LUZP2: variants seen among roughly 807,000 people sequenced by gnomAD.
The protein encoded by LUZP2 is leucine zipper protein 2.
A neutral mutation model predicts 51.6 loss-of-function variants in LUZP2; 52 were observed. That is an observed-to-expected ratio of 1.01 (90% CI 0.81 to 1.27). The LOEUF (loss-of-function observed/expected upper bound fraction) is 1.27, where lower values mean the gene tolerates loss of function less well. LUZP2 is among the 50% of genes most tolerant of loss of function. LUZP2 has a pLI of 0.00. For missense variants in LUZP2, 436 were observed against 395.4 expected, an observed-to-expected ratio of 1.10 and a Z score of -0.87; for synonymous variants, 154 against 137.3, an observed-to-expected ratio of 1.12 and a Z score of -0.85.
intron 1 of LUZP2, among the ~76,000 whole-genome samples, chr11:24,681,105 C>T (rs950821854): frequency 6.6e-6 from 1 of 152,030 alleles, no homozygotes; most frequent in African/African-American, 2.4e-5. Flanking sequence ...CCTCAGCCTC[C>T]CGAGTAGTTG....
intron 1 of LUZP2, among the ~76,000 whole-genome samples, chr11:24,620,822 G>A (rs1854469999): frequency 6.6e-6 from 1 of 152,176 alleles, no homozygotes; most frequent in Non-Finnish European, 1.5e-5. Flanking sequence ...AAGCAATTAA[G>A]TCATGACTTG....
At chr11:24,527,563 T>TCACA (rs1378672067) in intron 1 of LUZP2, among the ~76,000 whole-genome samples, 7 of 116,790 alleles carry the variant, frequency 6.0e-5, no homozygotes, top group Admixed American at 5.1e-4. Flanking sequence ...TCTCTCTCTC[T>TCACA]CTCTCACACA....
At chr11:25,038,254 A>G (rs2134002122) in intron 9 of LUZP2, among the ~76,000 whole-genome samples, 1 of 152,280 alleles carries the variant, frequency 6.6e-6, no homozygotes, top group East Asian at 1.9e-4. Context: ...TTGAAGAACC[A>G]TTAGTAGAGC....
At chr11:24,878,955 ATTTATTTATATT>A (rs1248834790) in intron 5 of LUZP2, among the ~76,000 whole-genome samples, 151 of 134,888 alleles carry the variant, frequency 1.1e-3, no homozygotes, top group Admixed American at 4.5e-3. Context: ...GATCTAATTT[ATTTATTTATATT>A]TTTATTTATT....
intron 5 of LUZP2, among the ~76,000 whole-genome samples, chr11:24,897,543 G>A (rs1178079128): frequency 1.3e-5 from 2 of 152,010 alleles, no homozygotes; most frequent in East Asian, 1.9e-4. Flanking sequence ...AACACTCACC[G>A]CGAAGGTCTG....
intron 10 of LUZP2, among the ~76,000 whole-genome samples, chr11:25,072,498 A>T (rs1859186334): frequency 6.6e-6 from 1 of 152,136 alleles, no homozygotes; most frequent in Non-Finnish European, 1.5e-5. Context: ...TCTATATTTC[A>T]TTTGTGTGGC....
intron 5 of LUZP2, among the ~76,000 whole-genome samples, chr11:24,832,252 T>C (rs1850724192): frequency 6.6e-6 from 1 of 151,900 alleles, no homozygotes; most frequent in African/African-American, 2.4e-5. Flanking sequence ...CTGGAAAATG[T>C]TGATGTTATC....
intron 5 of LUZP2, among the ~76,000 whole-genome samples, chr11:24,806,343 G>A (rs1052217410): frequency 2.6e-5 from 4 of 152,082 alleles, no homozygotes; most frequent in East Asian, 1.9e-4. Flanking sequence ...TTTACATCAC[G>A]GAATTTGGTA....
At chr11:24,815,930 A>AT (rs1300460023) in intron 5 of LUZP2, among the ~76,000 whole-genome samples, 1 of 151,974 alleles carries the variant, frequency 6.6e-6, no homozygotes, top group East Asian at 1.9e-4. Context: ...CTAGGTGGGA[A>AT]TGCTGAAGTC....
Position 24,949,876 on chromosome 11 carries a change from T to A in LUZP2, c.523-26715T>A, listed in dbSNP as rs185528267. ...TCTGAATTCTCTGACAAAGGAGAAATCAGCTTTTCTTCTTTCTTGCCTGAG... is the reference window on the plus strand; with the variant it reads ...TCTGAATTCTCTGACAAAGGAGAAAACAGCTTTTCTTCTTTCTTGCCTGAG... On this transcript the variant is annotated intron_variant, in intron 7 of 11. Coordinates refer to ENST00000336930, the MANE Select transcript of LUZP2 (RefSeq NM_001009909.4). Among the ~76,000 whole-genome samples, 957 of 151,726 alleles carry A rather than the reference T, an allele frequency of 6.3e-3. 18 individuals are homozygous for A. The highest frequency in any genetic ancestry group is 0.022 in the African/African-American group (899 of 41,486).
intron 1 of LUZP2, among the ~76,000 whole-genome samples, chr11:24,715,204 C>T (rs1160361045): frequency 6.6e-6 from 1 of 150,458 alleles, no homozygotes. Context: ...AAATACTAGT[C>T]ATTTTATATA....
intron 9 of LUZP2, among the ~76,000 whole-genome samples, chr11:24,984,756 C>A (rs1271066828): frequency 6.0e-5 from 9 of 151,128 alleles, no homozygotes. Context: ...CCCTCAGATA[C>A]CCTTTCATCA....
intron 1 of LUZP2, among the ~76,000 whole-genome samples, chr11:24,627,006 A>G (rs941722922): frequency 1.3e-5 from 2 of 152,000 alleles, no homozygotes; most frequent in Non-Finnish European, 2.9e-5. Context: ...ATGCTTTGGG[A>G]TGCTTTTGGT....
chr11:24,938,569 CTG>C (rs1854655191), intron 7 of LUZP2, among the ~76,000 whole-genome samples: 1 of 119,020 alleles, frequency 8.4e-6, no homozygotes, highest in Non-Finnish European at 1.8e-5. Flanking sequence ...GAAAATAGCT[CTG>C]TGGATTTTTT....
chr11:24,602,327 C>CAT (rs752924145), intron 1 of LUZP2, among the ~76,000 whole-genome samples: 4 of 80,270 alleles, frequency 5.0e-5, no homozygotes, highest in Non-Finnish European at 1.1e-4. Flanking sequence ...TATACACACA[C>CAT]ATATATATAC....
intron 1 of LUZP2, among the ~76,000 whole-genome samples, chr11:24,686,839 T>A (rs1259381309): frequency 6.6e-6 from 1 of 152,154 alleles, no homozygotes; most frequent in African/African-American, 2.4e-5. Flanking sequence ...CATTTTATGT[T>A]AAAGGTTTGA....
At chr11:24,945,369 T>G (rs972400398) in intron 7 of LUZP2, among the ~76,000 whole-genome samples, 5 of 152,164 alleles carry the variant, frequency 3.3e-5, no homozygotes, top group Admixed American at 6.5e-5. Context: ...TTCTAAATAT[T>G]TTCTACATTC....
At chr11:24,666,913 T>C (rs1218343012) in intron 1 of LUZP2, among the ~76,000 whole-genome samples, 1 of 152,150 alleles carries the variant, frequency 6.6e-6, no homozygotes, top group East Asian at 1.9e-4. Flanking sequence ...TCAACTGACT[T>C]ATAATTCTGT....
chr11:24,512,644 T>G (rs546184392), intron 1 of LUZP2, among the ~76,000 whole-genome samples: 1 of 152,316 alleles, frequency 6.6e-6, no homozygotes, highest in South Asian at 2.1e-4. Flanking sequence ...TGTTGTTTGA[T>G]CTCTAACACT....
Sources: gnomAD v4.1 joint callset for allele counts (sites outside exome capture counted in the v4.1 genomes callset) on GRCh38, gnomAD v4.1.1 for gene constraint, MANE v1.5 for transcripts, NCBI Gene and HGNC (gene_info 2026-07-23, HGNC 2026-07-21) for gene names.